SUDS3: variants seen among roughly 807,000 people sequenced by gnomAD.
SUDS3 encodes the protein sin3 histone deacetylase corepressor complex component SDS3.
Under a neutral mutation model 53.5 loss-of-function variants are expected in SUDS3, and 23 were observed. The ratio of observed to expected loss-of-function variants is 0.43; its 90% CI spans 0.31 to 0.61. SUDS3 has a LOEUF of 0.61. Ranked by LOEUF, SUDS3 falls within the 20% of genes least tolerant of loss-of-function variation. SUDS3 has a pLI of 0.10. For synonymous variants in SUDS3, 150 were observed against 148.5 expected (o/e 1.01, Z -0.08); for missense variants, 291 against 405.9 (o/e 0.72, Z 2.43).
intron 1 of SUDS3, among the ~76,000 whole-genome samples, chr12:118,379,700 C>T (rs572727779): frequency 2.0e-5 from 3 of 152,304 alleles, no homozygotes; most frequent in East Asian, 1.9e-4. Context: ...TCCAGTCTTA[C>T]GCCTGCATCT....
rs60400719 is a variant in SUDS3 at position 118,382,519 on chromosome 12, C to T, written c.213-1493C>T. On this transcript the variant is annotated intron_variant, in intron 2 of 11. Coordinates refer to ENST00000543473, the MANE Select transcript of SUDS3 (RefSeq NM_022491.3). ...TAGCTGGGACAACAGGCACGTGCCA[C>T]CACGCCCAGCTGATTTTTAAAATTT... Among the ~76,000 whole-genome samples the T allele has an allele frequency of 2.0e-5, 3 of 151,802 alleles. No individual in the cohort carries two copies. The East Asian group carries it at 5.8e-4, about 29-fold the overall frequency.
At chr12:118,378,638 T>C (rs1228751165) in intron 1 of SUDS3, among the ~76,000 whole-genome samples, 3 of 152,010 alleles carry the variant, frequency 2.0e-5, no homozygotes, top group African/African-American at 7.2e-5. Flanking sequence ...CCTGCCACCA[T>C]GCCTGGCTAA....
At chr12:118,397,724 A>ATT (rs553865776) in intron 6 of SUDS3, among the ~76,000 whole-genome samples, 1,613 of 146,370 alleles carry the variant, frequency 0.011, 19 homozygotes, top group African/African-American at 0.037. Flanking sequence ...AATAAAATAG[A>ATT]TTTTTTTTTT....
chr12:118,398,316 A>G (rs537386146), intron 6 of SUDS3, among the ~76,000 whole-genome samples: 1 of 152,302 alleles, frequency 6.6e-6, no homozygotes, highest in African/African-American at 2.4e-5. Context: ...GTTAGGTCAC[A>G]CAGCCGTTGC....
chr12:118,408,057 C>T (rs1052925347), intron 10 of SUDS3, among the ~76,000 whole-genome samples: 31 of 152,118 alleles, frequency 2.0e-4, no homozygotes, highest in Non-Finnish European at 2.2e-4. Flanking sequence ...CCCGCCACCA[C>T]GCCCAGCTAA....
chr12:118,376,905 G>A (rs983397667), intron 1 of SUDS3, 72 bp downstream of exon 1: 23 of 1,356,988 alleles, frequency 1.7e-5, no homozygotes, highest in African/African-American at 3.1e-5. Flanking sequence ...GGGCTGTTCG[G>A]GAGAGGGGCG....
chr12:118,385,460 C>T (rs1260305123), intron 3 of SUDS3, among the ~76,000 whole-genome samples: 1 of 152,120 alleles, frequency 6.6e-6, no homozygotes, highest in Non-Finnish European at 1.5e-5. Context: ...TGATCCACGC[C>T]CTTGGACTAG....
At chr12:118,396,328 T>G (rs1014107321) in intron 6 of SUDS3, among the ~76,000 whole-genome samples, 9 of 152,220 alleles carry the variant, frequency 5.9e-5, no homozygotes, top group African/African-American at 1.4e-4. Flanking sequence ...CGATCTCAGC[T>G]CACTGCAACC....
At chr12:118,407,713 A>G (rs1223468443) in intron 10 of SUDS3, among the ~76,000 whole-genome samples, 1 of 144,654 alleles carries the variant, frequency 6.9e-6, no homozygotes, top group Non-Finnish European at 1.5e-5. Flanking sequence ...TATATGTGTT[A>G]TTTTTGGTTT....
intron 10 of SUDS3, among the ~76,000 whole-genome samples, chr12:118,406,561 A>G (rs2046310257): frequency 6.6e-6 from 1 of 152,184 alleles, no homozygotes; most frequent in South Asian, 2.1e-4. Context: ...AGCTTTAAGA[A>G]CTTAATTGTA....
In SUDS3 at chr12:118,415,649, G is replaced by A. The variant is rs997126189; in HGVS notation, c.*1216G>A. On this transcript the variant is annotated 3_prime_UTR_variant, in exon 12 of 12. Transcript: ENST00000543473. ...GAGATGTTCAAAAAATTTGGGGTTAGAGCAACTGTTAGCGTCTCTATGAGC... is the reference window on the plus strand; with the variant it reads ...GAGATGTTCAAAAAATTTGGGGTTAAAGCAACTGTTAGCGTCTCTATGAGC... 1 of 152,168 alleles carries A rather than the reference G, an allele frequency of 6.6e-6. No individual in the cohort carries two copies. The highest frequency in any genetic ancestry group is 2.4e-5 in the African/African-American group (1 of 41,438). The allele number at this position is 152,168 out of a possible 1,614,324, so 9.4% of individuals were successfully genotyped here. A position where few individuals can be genotyped will look rare whatever the true frequency, so the allele number is the denominator to read the frequency against.
rs561087749 is a variant in SUDS3, at chr12:118,385,425, A to G, written c.269-689A>G. 4.6e-5 allele frequency among the ~76,000 whole-genome samples: 7 copies of G among 152,254 alleles called. No individual in the cohort carries two copies. In the East Asian group the frequency reaches 1.2e-3, roughly 25 times the overall value. On this transcript the variant is annotated intron_variant, in intron 3 of 11. Transcript: ENST00000543473. ...TGCCCAGCCTGATACTGCTGTTTCT[A>G]CTATGTGCTTTTATTGCTGGTGAGT...
intron 10 of SUDS3, among the ~76,000 whole-genome samples, chr12:118,409,434 C>T (rs1033946153): frequency 2.6e-5 from 4 of 152,202 alleles, no homozygotes; most frequent in East Asian, 3.8e-4. Flanking sequence ...CGTGAGCCAC[C>T]ACGCCCGGCC....
chr12:118,406,701 T>C (rs2046311215), intron 10 of SUDS3, among the ~76,000 whole-genome samples: 1 of 137,240 alleles, frequency 7.3e-6, no homozygotes, highest in Non-Finnish European at 1.7e-5. Context: ...AACAGGTTAA[T>C]TGGCCTAAAA....
At chr12:118,382,853 A>T (rs2046079796) in intron 2 of SUDS3, among the ~76,000 whole-genome samples, 1 of 150,262 alleles carries the variant, frequency 6.7e-6, no homozygotes, top group Admixed American at 6.6e-5. Context: ...TTTTAAGTAG[A>T]GACAGGGTTT....
intron 7 of SUDS3, 21 bp from the exon 8 acceptor site, chr12:118,401,736 TAC>T: frequency 6.2e-7 from 1 of 1,606,724 alleles, no homozygotes; most frequent in Admixed American, 1.7e-5. Context: ...ACTTTTCACA[TAC>T]AGTCCTTTAA....
intron 7 of SUDS3, among the ~76,000 whole-genome samples, 155 bp from the exon 8 acceptor site, chr12:118,401,604 G>A (rs1192818201): frequency 6.6e-6 from 1 of 152,132 alleles, no homozygotes; most frequent in African/African-American, 2.4e-5. Flanking sequence ...ACATTTAGTA[G>A]GAGAATCATA....
At chr12:118,377,381 A>T (rs931071807) in intron 1 of SUDS3, among the ~76,000 whole-genome samples, 8 of 152,174 alleles carry the variant, frequency 5.3e-5, no homozygotes, top group Non-Finnish European at 8.8e-5. Flanking sequence ...GCCTCGATTT[A>T]CCCAACTGTA....
At chr12:118,410,054 C>T (rs148482876) in intron 10 of SUDS3, among the ~76,000 whole-genome samples, 2 of 152,356 alleles carry the variant, frequency 1.3e-5, no homozygotes, top group East Asian at 1.9e-4. Flanking sequence ...TACGTCATGG[C>T]ACTTGGAACT....
Sources: gnomAD v4.1 joint callset for allele counts (sites outside exome capture counted in the v4.1 genomes callset) on GRCh38, gnomAD v4.1.1 for gene constraint, MANE v1.5 for transcripts, NCBI Gene and HGNC (gene_info 2026-07-23, HGNC 2026-07-21) for gene names.